Variants in NPIPB2 observed in about 807,000 individuals in gnomAD.
The protein encoded by NPIPB2 is nuclear pore complex-interacting protein family member B2.
In NPIPB2, 27 loss-of-function variants were observed where a neutral mutation model predicts 30.8. The ratio of observed to expected loss-of-function variants is 0.88; its 90% CI spans 0.65 to 1.21. The LOEUF is 1.21. Ranked by LOEUF, NPIPB2 falls within the 50% of genes most tolerant of loss-of-function variation. The pLI, the probability that NPIPB2 is intolerant of heterozygous loss-of-function variation, is 0.00. For synonymous variants in NPIPB2, 147 were observed against 162.0 expected, an observed-to-expected ratio of 0.91 and a Z score of 0.70; for missense variants, 440 against 446.2, an observed-to-expected ratio of 0.99 and a Z score of 0.13.
chr16:11,976,264 C>T (rs189085545), intron 1 of NPIPB2, among the ~76,000 whole-genome samples: 10 of 152,320 alleles, frequency 6.6e-5, no homozygotes, highest in Admixed American at 6.5e-4. Flanking sequence ...CTGTCAACCC[C>T]TCCAGGCAGG....
chr16:11,967,694 C>A lies in NPIPB2; in HGVS notation c.-584+8874G>T, dbSNP rs770030639. On this transcript the variant is annotated intron_variant, in intron 1 of 5. Coordinates refer to the NPIPB2 transcript ENST00000538896. ...GCACCTGTGAAGACTGCATCAAGAG[C>A]AAACCGAAGGTCGACTCTGACCATT... The A allele has an allele frequency of 3.7e-6, 6 of 1,614,172 alleles. No individual in the cohort carries two copies. The South Asian group carries it at 6.6e-5, about 18-fold the overall frequency.
chr16:11,955,469 G>A (rs1321622545), intron 1 of NPIPB2, among the ~76,000 whole-genome samples: 2 of 151,674 alleles, frequency 1.3e-5, no homozygotes, highest in African/African-American at 4.8e-5. Context: ...CAGCACTTTG[G>A]GAGGCTGAGG....
chr16:11,936,236 G>A (rs1179830224), intron 2 of NPIPB2, among the ~76,000 whole-genome samples: 1 of 151,252 alleles, frequency 6.6e-6, no homozygotes, highest in African/African-American at 2.4e-5. Context: ...GCCAGGAGGT[G>A]GAGGTTGCAG....
chr16:11,947,322 T>TTATTTATTTACA (rs144577397), intron 1 of NPIPB2, among the ~76,000 whole-genome samples: 1 of 119,998 alleles, frequency 8.3e-6, no homozygotes, highest in Non-Finnish European at 1.6e-5. Context: ...ATTTATTTAT[T>TTATTTATTTACA]TATATATATA....
intron 1 of NPIPB2, among the ~76,000 whole-genome samples, chr16:11,955,169 C>T (rs941438269): frequency 1.3e-5 from 2 of 151,858 alleles, no homozygotes; most frequent in Non-Finnish European, 2.9e-5. Flanking sequence ...GCCTGGCCAA[C>T]GTGGTGAAAC....
At chr16:11,969,457 A>G (rs2055221494) in intron 1 of NPIPB2, among the ~76,000 whole-genome samples, 2 of 151,154 alleles carry the variant, frequency 1.3e-5, no homozygotes. Flanking sequence ...GGGTTTCACC[A>G]TCTTCGCCAG....
At chr16:11,951,689 T>C (rs1212536417) in intron 1 of NPIPB2, among the ~76,000 whole-genome samples, 1 of 123,414 alleles carries the variant, frequency 8.1e-6, no homozygotes, top group East Asian at 2.7e-4. Context: ...ACAACAAAAT[T>C]CAGAGTATGT....
chr16:11,968,027 G>GA, intron 1 of NPIPB2: 2 of 649,896 alleles, frequency 3.1e-6, no homozygotes, highest in Non-Finnish European at 4.9e-6. Context: ...CTTAATGGTA[G>GA]AAACTTCCTT....
chr16:11,951,174 C>T (rs1442657821), intron 1 of NPIPB2, among the ~76,000 whole-genome samples: 2 of 151,778 alleles, frequency 1.3e-5, no homozygotes, highest in African/African-American at 4.8e-5. Flanking sequence ...TAACATTACT[C>T]GGCCGGGCGC....
intron 2 of NPIPB2, 62 bp from the exon 3 acceptor site, chr16:11,933,986 A>G (rs1163170944): frequency 7.4e-7 from 1 of 1,353,722 alleles, no homozygotes; most frequent in African/African-American, 1.4e-5. Context: ...TAATCCCAGT[A>G]CTTTGGGAGG....
chr16:11,971,642 G>A (rs538315138), intron 1 of NPIPB2, among the ~76,000 whole-genome samples: 19 of 152,016 alleles, frequency 1.2e-4, no homozygotes, highest in Admixed American at 1.2e-3. Context: ...TTACAACTGT[G>A]CGGCACCAAG....
At chr16:11,949,420 G>T (rs2055043659) in intron 1 of NPIPB2, among the ~76,000 whole-genome samples, 1 of 152,156 alleles carries the variant, frequency 6.6e-6, no homozygotes. Context: ...CCAGGCTCAT[G>T]TGACACCAGG....
At chr16:11,967,427 C>T in intron 1 of NPIPB2, 2 of 813,402 alleles carry the variant, frequency 2.5e-6, no homozygotes, top group Non-Finnish European at 3.8e-6. Flanking sequence ...TGAATGCAGC[C>T]TGGGCAACAC....
chr16:11,938,801 T>G (rs1183098075), intron 1 of NPIPB2, among the ~76,000 whole-genome samples: 5 of 152,218 alleles, frequency 3.3e-5, no homozygotes, highest in African/African-American at 1.2e-4. Context: ...CAGGCTAGAT[T>G]GCAGTGGCAT....
At chr16:11,966,001 C>T (rs940121167) in intron 1 of NPIPB2, among the ~76,000 whole-genome samples, 12 of 152,132 alleles carry the variant, frequency 7.9e-5, no homozygotes, top group Non-Finnish European at 1.6e-4. Flanking sequence ...ATCCCAGCTA[C>T]TCGGGAGGCT....
At chr16:11,959,673 G>A (rs1334803508) in intron 1 of NPIPB2, among the ~76,000 whole-genome samples, 1 of 151,984 alleles carries the variant, frequency 6.6e-6, no homozygotes, top group African/African-American at 2.4e-5. Flanking sequence ...TCTTTCTTTA[G>A]ATTTTGTCTA....
chr16:11,947,469 C>T (rs950717371), intron 1 of NPIPB2, among the ~76,000 whole-genome samples: 1 of 151,506 alleles, frequency 6.6e-6, no homozygotes, highest in Non-Finnish European at 1.5e-5. Flanking sequence ...CTCAGCCTCC[C>T]GAGTAGCTAG....
upstream of NPIPB2, among the ~76,000 whole-genome samples, chr16:11,943,306 G>A (rs79162862): frequency 3.3e-5 from 5 of 152,040 alleles, no homozygotes; most frequent in Non-Finnish European, 5.9e-5. Context: ...GCGACAGAGC[G>A]AGACTCTGTC....
chr16:11,957,346 G>A (rs2055120445), intron 1 of NPIPB2, among the ~76,000 whole-genome samples: 1 of 151,932 alleles, frequency 6.6e-6, no homozygotes, highest in East Asian at 1.9e-4. Context: ...TATACTTTTA[G>A]TAGAGACAGG....
Sources: gnomAD v4.1 joint callset for allele counts (sites outside exome capture counted in the v4.1 genomes callset) on GRCh38, gnomAD v4.1.1 for gene constraint, MANE v1.5 for transcripts, NCBI Gene and HGNC (gene_info 2026-07-23, HGNC 2026-07-21) for gene names.